Variants in FAM118B observed in about 807,000 individuals in gnomAD.
FAM118B encodes SIR2 antiphage like 1, also known as protein FAM118B.
FAM118B carries 24 observed loss-of-function variants against 38.5 expected under a neutral mutation model. The observed-to-expected ratio is 0.62, with a 90% CI of 0.45 to 0.88. The LOEUF is 0.88. Ranked by LOEUF, FAM118B falls within the 40% of genes least tolerant of loss-of-function variation. The pLI is 0.00. For synonymous variants in FAM118B, 138 were observed against 156.3 expected (o/e 0.88, Z 0.87); for missense variants, 334 against 420.0 (o/e 0.80, Z 1.79).
At position 126,261,381 on chromosome 11, in the gene FAM118B, T is replaced by A. The variant is rs534745682; in HGVS notation, c.983-44T>A. ...AGTTTTCTTTTTGCTATTAATAGTT[T>A]TAGCTTTTCAGTCTAATGTCTGATG... On this transcript the variant is annotated intron_variant, in intron 7 of 8. Coordinates refer to ENST00000533050, the MANE Select transcript of FAM118B (RefSeq NM_024556.4). 13 of 1,562,400 alleles carry A rather than the reference T, an allele frequency of 8.3e-6. No individual in the cohort carries two copies. The East Asian group carries it at 2.7e-4, about 32-fold the overall frequency.
At position 126,262,231 on chromosome 11, in the gene FAM118B, A is replaced by G; in HGVS notation, c.*98A>G. 3.7e-6 allele frequency: 5 copies of G among 1,354,968 alleles called. No individual in the cohort carries two copies. The highest frequency in any genetic ancestry group is 4.2e-6 in the Non-Finnish European group (4 of 950,152). 83.9% of individuals were successfully genotyped at this position (1,354,968 alleles called of 1,614,324 possible). A position where few individuals can be genotyped will look rare whatever the true frequency, so the allele number is the denominator to read the frequency against. On this transcript the variant is annotated 3_prime_UTR_variant, in exon 9 of 9. Coordinates refer to ENST00000533050, the MANE Select transcript of FAM118B (RefSeq NM_024556.4). ...CTTACAAGAACCCAACACAATTCCCAGAAAGTAACAATAGCCAGAGGTTGA... is the reference window on the plus strand; with the variant it reads ...CTTACAAGAACCCAACACAATTCCCGGAAAGTAACAATAGCCAGAGGTTGA...
In FAM118B at chr11:126,253,807, C is replaced by G. The variant is rs1950537886; in HGVS notation, c.568-498C>G. Among the ~76,000 whole-genome samples, 1 of 152,216 alleles carries G rather than the reference C, an allele frequency of 6.6e-6. No homozygotes were observed. The highest frequency in any genetic ancestry group is 6.5e-5 in the Admixed American group (1 of 15,284). ...CTTCTTCACTTTCTTCGCATGGCAG[C>G]TGGATTCCAAAAGTAACACAAGAGA... On this transcript the variant is annotated intron_variant, in intron 5 of 8. Coordinates refer to ENST00000533050, the MANE Select transcript of FAM118B (RefSeq NM_024556.4). This position sits in a 1 kb window ranked among gnomAD's most constrained non-coding sequence, Gnocchi z 5.1.
At chr11:126,257,133 G>A (rs1408301683) in intron 7 of FAM118B, among the ~76,000 whole-genome samples, 1 of 152,220 alleles carries the variant, frequency 6.6e-6, no homozygotes, top group Non-Finnish European at 1.5e-5. Flanking sequence ...TTTGAATTTA[G>A]ATTACAAAAT....
At chr11:126,259,869 C>T (rs1198245587) in intron 7 of FAM118B, among the ~76,000 whole-genome samples, 3 of 150,512 alleles carry the variant, frequency 2.0e-5, no homozygotes, top group Non-Finnish European at 3.0e-5. Context: ...TAAAGGCGCC[C>T]GCCACCACAC....
chr11:126,221,526 AG>A (rs1291309096), intron 1 of FAM118B, among the ~76,000 whole-genome samples: 1 of 152,172 alleles, frequency 6.6e-6, no homozygotes, highest in African/African-American at 2.4e-5. Flanking sequence ...TTTGAAGTAC[AG>A]TCTGAAAGTA....
intron 1 of FAM118B, among the ~76,000 whole-genome samples, chr11:126,227,460 C>T (rs1950158003): frequency 6.6e-6 from 1 of 152,060 alleles, no homozygotes; most frequent in African/African-American, 2.4e-5. Context: ...TATTTTTAAT[C>T]CATTATATCT....
chr11:126,231,410 A>ATT (rs5795487), intron 2 of FAM118B, among the ~76,000 whole-genome samples: 3 of 151,612 alleles, frequency 2.0e-5, no homozygotes, highest in South Asian at 2.1e-4. Flanking sequence ...GCTAAAATTG[A>ATT]TTTTTTTTTC....
chr11:126,220,290 C>G (rs1950046453), intron 1 of FAM118B, among the ~76,000 whole-genome samples: 1 of 152,232 alleles, frequency 6.6e-6, no homozygotes, highest in Non-Finnish European at 1.5e-5. Flanking sequence ...CCTCCTTGGT[C>G]TTCCACTGAC....
chr11:126,249,836 G>T (rs1224396252), intron 4 of FAM118B, among the ~76,000 whole-genome samples: 1 of 151,722 alleles, frequency 6.6e-6, no homozygotes, highest in East Asian at 1.9e-4. Context: ...TGAACGGAAA[G>T]TGTTGCCTTC....
chr11:126,214,517 T>TTTGTTTTTG (rs1565322485), intron 1 of FAM118B: 4 of 95,442 alleles, frequency 4.2e-5, no homozygotes, highest in African/African-American at 1.6e-4. Flanking sequence ...TTTTTTTGTT[T>TTTGTTTTTG]TTTTTTTTTT....
At chr11:126,259,186 G>C (rs891119845) in intron 7 of FAM118B, among the ~76,000 whole-genome samples, 4 of 152,150 alleles carry the variant, frequency 2.6e-5, no homozygotes, top group African/African-American at 9.7e-5. Context: ...AATGTTTTGA[G>C]TCTCTGTAGA....
intron 3 of FAM118B, among the ~76,000 whole-genome samples, chr11:126,237,314 G>A (rs1429447404): frequency 2.3e-5 from 3 of 132,714 alleles, no homozygotes; most frequent in African/African-American, 2.8e-5. Context: ...TCTGCCTCCC[G>A]GGTTCAAGCA....
chr11:126,233,204 G>A (rs1950229429), intron 2 of FAM118B, among the ~76,000 whole-genome samples: 3 of 151,972 alleles, frequency 2.0e-5, no homozygotes, highest in Admixed American at 2.0e-4. Context: ...AGCTGGGTGC[G>A]GTGGCTCACA....
chr11:126,248,937 G>A (rs1227216697), intron 4 of FAM118B, among the ~76,000 whole-genome samples: 2 of 152,048 alleles, frequency 1.3e-5, no homozygotes, highest in African/African-American at 2.4e-5. Context: ...AATTCCCTTC[G>A]TCCCAAGAGC....
intron 3 of FAM118B, among the ~76,000 whole-genome samples, chr11:126,238,870 G>A (rs959936934): frequency 5.3e-5 from 8 of 150,394 alleles, no homozygotes; most frequent in Non-Finnish European, 4.4e-5. Context: ...TACTTTTTAG[G>A]TATATATACC....
rs759288635 is a variant in FAM118B at position 126,240,827 on chromosome 11, G to A, written c.122G>A (p.Arg41Gln). ...LLPSLKTKKP[R>Q]ELVLVIGTGI... ...CCAAGCTTAAAAACTAAGAAGCCTC[G>A]AGAACTTGTGCTAGTGATTGGAACA... The change falls in exon 4 of 9, where the codon CGA becomes CAA. Residue 41 changes from arginine to glutamine, a missense_variant. Coordinates refer to ENST00000533050, the MANE Select transcript of FAM118B (RefSeq NM_024556.4). 1.9e-5 allele frequency: 31 copies of A among 1,609,986 alleles called. No individual in the cohort carries two copies. Among genetic ancestry groups the A allele is most frequent in the South Asian group, 5.5e-5 (5 of 90,556 alleles).
At chr11:126,235,968 T>G (rs1950269490) in intron 3 of FAM118B, among the ~76,000 whole-genome samples, 2 of 150,444 alleles carry the variant, frequency 1.3e-5, no homozygotes, top group African/African-American at 5.0e-5. Flanking sequence ...TTTGTTTGCT[T>G]TCAATGTATT....
rs34631802 is a variant in FAM118B at position 126,237,215 on chromosome 11, C to CTTTTTTTTT, written c.86+2143_86+2151dup. Among the ~76,000 whole-genome samples, 21 of 43,112 alleles carry CTTTTTTTTT rather than the reference C, an allele frequency of 4.9e-4. 5 individuals carry two copies. The highest frequency in any genetic ancestry group is 6.0e-4 in the Non-Finnish European group (15 of 24,896). 28.3% of individuals were successfully genotyped at this position (43,112 alleles called of 152,430 possible). ...ACAGACGTGAGCCACCGCGCCTGGC[C>CTTTTTTTTT]TTTTTTTTTTTTTTTTTTTTTTTGA... On this transcript the variant is annotated intron_variant, in intron 3 of 8. Transcript: ENST00000533050.
At chr11:126,220,314 T>G (rs1950047237) in intron 1 of FAM118B, among the ~76,000 whole-genome samples, 1 of 152,220 alleles carries the variant, frequency 6.6e-6, no homozygotes, top group South Asian at 2.1e-4. Context: ...CTTCACTTCC[T>G]TATGAAAGTA....
Sources: allele counts gnomAD v4.1 joint callset (sites outside exome capture counted in the v4.1 genomes callset), GRCh38; gene constraint gnomAD v4.1.1; non-coding constraint Gnocchi (gnomAD v3.1); transcripts MANE v1.5; gene names NCBI Gene and HGNC (gene_info 2026-07-23, HGNC 2026-07-21).